The following RARB variants were observed in gnomAD, a reference collection of about 807,000 sequenced individuals.
RARB encodes HBV-activated protein.
Under a neutral mutation model 51.9 loss-of-function variants are expected in RARB, and 17 were observed. The observed-to-expected ratio is 0.33, with a 90% CI of 0.22 to 0.49. The LOEUF (loss-of-function observed/expected upper bound fraction) is 0.49. Ranked by LOEUF, RARB falls within the 20% of genes least tolerant of loss-of-function variation. The probability of loss-of-function intolerance (pLI) is 0.99; values close to 1 mark genes in which losing one functional copy is unlikely to be tolerated. For synonymous variants in RARB, 215 were observed against 195.4 expected, an observed-to-expected ratio of 1.10 and a Z score of -0.84; for missense variants, 369 against 550.8, an observed-to-expected ratio of 0.67 and a Z score of 3.30.
intron 5 of RARB, among the ~76,000 whole-genome samples, chr3:25,361,728 A>G (rs772068281): frequency 2.6e-5 from 4 of 152,210 alleles, no homozygotes; most frequent in Non-Finnish European, 5.9e-5. Context: ...TCTTTCTACC[A>G]GTCGGTCCCC....
intron 2 of RARB, among the ~76,000 whole-genome samples, chr3:25,004,045 T>A (rs1697219606): frequency 6.6e-6 from 1 of 152,146 alleles, no homozygotes. Flanking sequence ...AAGTAGTTTT[T>A]CTTACCTGAA....
chr3:25,231,365 G>C (rs1324403994), intron 5 of RARB, among the ~76,000 whole-genome samples: 2 of 152,126 alleles, frequency 1.3e-5, no homozygotes, highest in African/African-American at 4.8e-5. Flanking sequence ...CTGTTTAGAA[G>C]CACCAAGACA....
chr3:25,478,973 G>T (rs1000856266), intron 2 of RARB, among the ~76,000 whole-genome samples: 2 of 152,112 alleles, frequency 1.3e-5, no homozygotes, highest in Admixed American at 6.6e-5. Context: ...CCTGTGCATG[G>T]TCAGGGTGGT....
chr3:25,547,592 C>T (rs758399319), intron 3 of RARB, among the ~76,000 whole-genome samples: 20 of 152,160 alleles, frequency 1.3e-4, no homozygotes, highest in Non-Finnish European at 2.8e-4. Flanking sequence ...AGTGGGTTAC[C>T]CTTTGATGTC....
intron 5 of RARB, among the ~76,000 whole-genome samples, chr3:25,380,984 G>A (rs7628351): frequency 3.3e-5 from 5 of 151,980 alleles, no homozygotes; most frequent in African/African-American, 9.7e-5. Flanking sequence ...TATTTTTACC[G>A]TTCTTCCTAT....
chr3:25,379,859 C>A (rs2125478223), intron 5 of RARB, among the ~76,000 whole-genome samples: 1 of 152,216 alleles, frequency 6.6e-6, no homozygotes, highest in East Asian at 1.9e-4. Flanking sequence ...TTTTCATACC[C>A]AGTTGTGTCT....
At chr3:24,965,168 T>C (rs4858134) in intron 2 of RARB, among the ~76,000 whole-genome samples, 70,370 of 151,912 alleles carry the variant, frequency 0.46, 16,694 homozygotes, top group Admixed American at 0.59. Context: ...GACATCATCA[T>C]GTGTGGAGTT....
At chr3:24,982,479 C>T (rs1696699383) in intron 2 of RARB, among the ~76,000 whole-genome samples, 1 of 152,124 alleles carries the variant, frequency 6.6e-6, no homozygotes, top group Non-Finnish European at 1.5e-5. Context: ...TGATGTGGTC[C>T]TTCTCCAAGT....
At chr3:25,011,722 A>AT (rs1697398279) in intron 2 of RARB, among the ~76,000 whole-genome samples, 1 of 152,138 alleles carries the variant, frequency 6.6e-6, no homozygotes, top group Admixed American at 6.6e-5. Flanking sequence ...TGGTTTAAAG[A>AT]TGGAAACAAT....
intron 5 of RARB, among the ~76,000 whole-genome samples, chr3:25,366,777 C>G (rs746632387): frequency 1.3e-5 from 2 of 152,144 alleles, no homozygotes; most frequent in Non-Finnish European, 2.9e-5. Flanking sequence ...TGAATGCATT[C>G]TTTGGATAGT....
chr3:25,440,785 A>G (rs1708639983), intron 1 of RARB, among the ~76,000 whole-genome samples: 1 of 152,276 alleles, frequency 6.6e-6, no homozygotes, highest in Non-Finnish European at 1.5e-5. Context: ...CCAAAAATAA[A>G]AAATTAAAAA....
At chr3:25,424,679 T>TG (rs57090166), upstream of RARB, among the ~76,000 whole-genome samples, 5,407 of 152,032 alleles carry the variant, frequency 0.036, 314 homozygotes, top group African/African-American at 0.12. Context: ...GCCCCTGTGG[T>TG]GGGGGGGGAT....
intron 5 of RARB, among the ~76,000 whole-genome samples, chr3:25,320,127 G>T (rs767192923): frequency 2.7e-5 from 4 of 150,710 alleles, no homozygotes; most frequent in Non-Finnish European, 4.4e-5. Flanking sequence ...GACCCCAAAA[G>T]TCACCCCAAC....
intron 5 of RARB, among the ~76,000 whole-genome samples, chr3:25,304,966 T>C (rs1263835718): frequency 2.6e-5 from 4 of 152,194 alleles, no homozygotes; most frequent in African/African-American, 9.6e-5. Context: ...TCTAAGCCTT[T>C]GACATGTTCA....
At chr3:25,083,198 G>T (rs568898717) in intron 3 of RARB, among the ~76,000 whole-genome samples, 4 of 151,748 alleles carry the variant, frequency 2.6e-5, no homozygotes, top group African/African-American at 9.7e-5. Flanking sequence ...AATGTATTCT[G>T]ATATAATTTT....
At chr3:24,912,018 T>C (rs751664058) in intron 2 of RARB, among the ~76,000 whole-genome samples, 2 of 152,198 alleles carry the variant, frequency 1.3e-5, no homozygotes, top group Admixed American at 6.5e-5. Context: ...TAAAAAAACA[T>C]GAGCATGGGA....
At chr3:25,069,013 G>GA (rs11303156) in intron 3 of RARB, among the ~76,000 whole-genome samples, 1,594 of 140,528 alleles carry the variant, frequency 0.011, 18 homozygotes, top group South Asian at 0.061. Context: ...ATCTTCCTCT[G>GA]AAAAAAAAAA....
intron 5 of RARB, among the ~76,000 whole-genome samples, chr3:25,215,792 C>G (rs143287806): frequency 6.6e-6 from 1 of 152,102 alleles, no homozygotes; most frequent in African/African-American, 2.4e-5. Flanking sequence ...CTGGGTCTTA[C>G]GAGGATCAGG....
chr3:24,973,487 T>C (rs1443795896), intron 2 of RARB, among the ~76,000 whole-genome samples: 1 of 152,070 alleles, frequency 6.6e-6, no homozygotes, highest in African/African-American at 2.4e-5. Context: ...AGAATTTTTT[T>C]GTTTCTATGG....
Sources: allele counts gnomAD v4.1 joint callset (sites outside exome capture counted in the v4.1 genomes callset), GRCh38; gene constraint gnomAD v4.1.1; transcripts MANE v1.5; gene names NCBI Gene and HGNC (gene_info 2026-07-23, HGNC 2026-07-21).